The following ACSM1 variants were observed in gnomAD, a reference collection of about 807,000 sequenced individuals.
The protein encoded by ACSM1 is acyl-CoA synthetase medium chain family member 1, also known as acyl-coenzyme A synthetase ACSM1, mitochondrial.
Under a neutral mutation model 75.8 loss-of-function variants are expected in ACSM1, and 79 were observed. The ratio of observed to expected loss-of-function variants is 1.04; its 90% CI spans 0.87 to 1.26. The LOEUF (loss-of-function observed/expected upper bound fraction) is 1.26, where lower values mean the gene tolerates loss of function less well. ACSM1 is among the 50% of genes most tolerant of loss of function. The pLI is 0.00. For synonymous variants in ACSM1, 279 were observed against 265.8 expected (o/e 1.05, Z -0.48); for missense variants, 676 against 720.1 (o/e 0.94, Z 0.70).
chr16:20,693,169 CAAAA>C (rs35507753), intron 1 of ACSM1, among the ~76,000 whole-genome samples: 1 of 114,484 alleles, frequency 8.7e-6, no homozygotes. Flanking sequence ...AATTCCGTCT[CAAAA>C]AAAAAAAAAA....
intron 10 of ACSM1, among the ~76,000 whole-genome samples, chr16:20,629,244 G>A (rs931572384): frequency 2.6e-5 from 4 of 152,166 alleles, no homozygotes; most frequent in Non-Finnish European, 5.9e-5. Context: ...ATCAATGTGA[G>A]TGCCTTTATG....
Position 20,685,338 on chromosome 16 carries a change from C to A in ACSM1, c.258G>T (p.Trp86Cys), listed in dbSNP as rs201684230. ...TTAGGTCTCCCATCTCTCTGAAGCT[C>A]CACTTTACTTCATCCCCTTGGCCAT... Reference protein sequence around the residue: ...WVNGQGDEVKWSFREMGDLTR... With the variant: ...WVNGQGDEVKCSFREMGDLTR... The change falls in exon 3 of 14, where the codon TGG becomes TGT. Residue 86 changes from tryptophan to cysteine, a missense_variant. Transcript: ENST00000520010. 11 of 1,614,052 alleles carry A rather than the reference C, an allele frequency of 6.8e-6. No homozygotes were observed. The East Asian group carries it at 2.5e-4, about 36-fold the overall frequency.
intron 10 of ACSM1, among the ~76,000 whole-genome samples, chr16:20,630,832 G>C (rs1169397944): frequency 2.0e-5 from 3 of 152,142 alleles, no homozygotes; most frequent in Non-Finnish European, 1.5e-5. Flanking sequence ...ATCTTATCAA[G>C]TCACATGAAA....
At chr16:20,636,436 T>C (rs1232298026) in intron 10 of ACSM1, among the ~76,000 whole-genome samples, 1 of 152,152 alleles carries the variant, frequency 6.6e-6, no homozygotes, top group Non-Finnish European at 1.5e-5. Context: ...CACTCTGTTG[T>C]TGGTAAGTGA....
chr16:20,664,590 A>G (rs2152263377), intron 6 of ACSM1, among the ~76,000 whole-genome samples: 1 of 152,316 alleles, frequency 6.6e-6, no homozygotes, highest in East Asian at 1.9e-4. Flanking sequence ...TGTTAGACAC[A>G]TGATTGAGAC....
intron 1 of ACSM1, among the ~76,000 whole-genome samples, chr16:20,697,406 G>A (rs1195493927): frequency 1.3e-5 from 2 of 152,114 alleles, no homozygotes; most frequent in African/African-American, 2.4e-5. Context: ...CAGCCACTGT[G>A]CTAAACATAT....
At chr16:20,689,482 G>A (rs2079614523) in intron 2 of ACSM1, among the ~76,000 whole-genome samples, 1 of 151,626 alleles carries the variant, frequency 6.6e-6, no homozygotes, top group Admixed American at 6.6e-5. Flanking sequence ...AAATGTAAGT[G>A]GACTAAACTC....
chr16:20,662,897 C>T (rs1194252609), intron 6 of ACSM1, among the ~76,000 whole-genome samples: 9 of 152,198 alleles, frequency 5.9e-5, no homozygotes, highest in African/African-American at 2.2e-4. Context: ...CCAGCAATGT[C>T]TGTGTCAGTA....
intron 7 of ACSM1, among the ~76,000 whole-genome samples, chr16:20,654,934 A>G (rs1014609467): frequency 2.6e-5 from 4 of 152,160 alleles, no homozygotes; most frequent in African/African-American, 9.7e-5. Flanking sequence ...TGCTGCTATA[A>G]AGACACATGC....
chr16:20,663,466 G>T (rs62033283), intron 6 of ACSM1, among the ~76,000 whole-genome samples: 492 of 152,194 alleles, frequency 3.2e-3, no homozygotes, highest in South Asian at 0.011. Context: ...CTCTTAACTT[G>T]TCTTTTCTGA....
chr16:20,678,389 T>C (rs1231875355), intron 4 of ACSM1, among the ~76,000 whole-genome samples: 3 of 152,086 alleles, frequency 2.0e-5, no homozygotes, highest in Non-Finnish European at 4.4e-5. Flanking sequence ...AAATGAACAA[T>C]ATTTAACTTG....
intron 7 of ACSM1, 46 bp from the exon 8 acceptor site, chr16:20,640,630 C>A (rs1383440537): frequency 6.2e-7 from 1 of 1,613,174 alleles, no homozygotes; most frequent in African/African-American, 1.3e-5. Flanking sequence ...CACCCTGGCT[C>A]TGTGCATTCA....
At chr16:20,681,033 T>C (rs200856501) in intron 4 of ACSM1, 5 of 152,238 alleles carry the variant, frequency 3.3e-5, no homozygotes, top group African/African-American at 1.2e-4. Flanking sequence ...GATGTGGACA[T>C]AGGAGACTGG....
intron 4 of ACSM1, chr16:20,680,037 A>C (rs2079406921): frequency 6.6e-6 from 1 of 152,240 alleles, no homozygotes; most frequent in African/African-American, 2.4e-5. Flanking sequence ...AAGCATCTGT[A>C]CAAAGAACCA....
chr16:20,672,497 A>AT lies in ACSM1; in HGVS notation c.612-827_612-826insA, dbSNP rs1274005290. Among the ~76,000 whole-genome samples, 1,021 of 111,778 alleles carry AT rather than the reference A, an allele frequency of 9.1e-3. 21 individuals carry two copies. The highest frequency in any genetic ancestry group is 0.013 in the Non-Finnish European group (756 of 57,842). 73.3% of individuals were successfully genotyped at this position (111,778 alleles called of 152,430 possible). Reference sequence around the variant, plus strand: ...ATATATATATATATATATATATATAAAAAACATATTTATATATTATATATC... The same window carrying AT: ...ATATATATATATATATATATATATAATAAAACATATTTATATATTATATATC... On this transcript the variant is annotated intron_variant, in intron 4 of 13. Coordinates refer to ENST00000520010, the MANE Select transcript of ACSM1 (RefSeq NM_001318890.3).
Position 20,685,278 on chromosome 16 carries a change from A to G in ACSM1, c.318T>C (p.Cys106=), listed in dbSNP as rs937908791. ...CCAGATGGTCTCCCTGTTGTAGGCC[A>G]CAGGTCTGTGTGAAGACGTTGGCTA... ...RRVANVFTQT[C]GLQQGDHLAL... The change falls in exon 3 of 14, where the codon TGT becomes TGC. Residue 106 remains cysteine (C), a synonymous_variant. Transcript: ENST00000520010. 2 of 1,614,198 alleles carry G rather than the reference A, an allele frequency of 1.2e-6. No individual in the cohort carries two copies. Among genetic ancestry groups the G allele is most frequent in the Non-Finnish European group, 1.7e-6 (2 of 1,180,030 alleles).
At chr16:20,683,881 C>T (rs2079499602) in intron 3 of ACSM1, among the ~76,000 whole-genome samples, 1 of 152,048 alleles carries the variant, frequency 6.6e-6, no homozygotes, top group Admixed American at 6.6e-5. Flanking sequence ...CTTAGATTTC[C>T]CATGGACCAT....
Position 20,636,783 on chromosome 16 carries a change from T to C in ACSM1, c.1255A>G (p.Arg419Gly). 6.2e-7 allele frequency: 1 copy of C among 1,614,134 alleles called. No individual in the cohort carries two copies. Among genetic ancestry groups the C allele is most frequent in the Non-Finnish European group, 8.5e-7 (1 of 1,180,020 alleles). ...PPNTEGNIGI[R>G]IKPVRPVSLF... ...CTCACAGGCCTGACAGGTTTGATTC[T>C]GATGCCAATGTTTCCTTCTGTGTTA... The change falls in exon 10 of 14, where the codon AGA becomes GGA. Residue 419 changes from arginine (R) to glycine (G), a missense_variant. Arg to Gly is a moderately radical substitution (Grantham distance 125). Transcript: ENST00000520010.
chr16:20,652,267 A>G (rs2018687360), intron 7 of ACSM1, among the ~76,000 whole-genome samples: 1 of 152,128 alleles, frequency 6.6e-6, no homozygotes. Context: ...TTATTATTTG[A>G]TATTAAGTTT....
Sources: gnomAD v4.1 joint callset for allele counts (sites outside exome capture counted in the v4.1 genomes callset) on GRCh38, gnomAD v4.1.1 for gene constraint, MANE v1.5 for transcripts, NCBI Gene and HGNC (gene_info 2026-07-23, HGNC 2026-07-21) for gene names.